The following DCAF4 variants were observed in gnomAD, a reference collection of about 807,000 sequenced individuals.
The protein encoded by DCAF4 is DDB1 and CUL4 associated factor 4.
Under a neutral mutation model 60.9 loss-of-function variants are expected in DCAF4, and 37 were observed. The observed-to-expected ratio is 0.61, with a 90% CI of 0.47 to 0.80. The LOEUF is 0.80. Ranked by LOEUF, DCAF4 falls within the 30% of genes least tolerant of loss-of-function variation. DCAF4 has a pLI of 0.00. For missense variants in DCAF4, 577 were observed against 650.0 expected, an observed-to-expected ratio of 0.89 and a Z score of 1.22; for synonymous variants, 243 against 254.8, an observed-to-expected ratio of 0.95 and a Z score of 0.44.
At chr14:72,953,732 A>AAAAAAAATATATATATATATAT (rs1555527852) in intron 9 of DCAF4, among the ~76,000 whole-genome samples, 1 of 21,766 alleles carries the variant, frequency 4.6e-5, no homozygotes, top group African/African-American at 2.3e-4. Context: ...AAAAAAAAAA[A>AAAAAAAATATATATATATATAT]ATATATATAT....
intron 7 of DCAF4, 130 bp downstream of exon 7, chr14:72,946,157 T>G: frequency 8.2e-7 from 1 of 1,217,118 alleles, no homozygotes. Context: ...AAGACTTGAT[T>G]TTTTACTTGA....
intron 7 of DCAF4, among the ~76,000 whole-genome samples, chr14:72,946,787 G>A (rs965358510): frequency 2.6e-5 from 4 of 152,244 alleles, no homozygotes; most frequent in African/African-American, 9.6e-5. Flanking sequence ...GCTGTGACTT[G>A]CTATTCAGTT....
At chr14:72,941,695 C>T (rs755911081) in intron 4 of DCAF4, 50 bp from the exon 5 acceptor site, 1 of 1,562,864 alleles carries the variant, frequency 6.4e-7, no homozygotes, top group Non-Finnish European at 8.8e-7. Context: ...CCATCATCCC[C>T]TAACAAATAA....
chr14:72,927,157 G>C (rs919860823), intron 1 of DCAF4, among the ~76,000 whole-genome samples: 1 of 152,152 alleles, frequency 6.6e-6, no homozygotes, highest in Admixed American at 6.5e-5. Context: ...CACGCCTCGT[G>C]GGCTCCCCGG....
chr14:72,950,093 T>C (rs925642717), intron 8 of DCAF4, among the ~76,000 whole-genome samples: 1 of 152,198 alleles, frequency 6.6e-6, no homozygotes, highest in African/African-American at 2.4e-5. Flanking sequence ...AGCAGGGCCT[T>C]TCAAGACTGA....
rs374579479 is a variant in DCAF4 at position 72,932,191 on chromosome 14, A to G, written c.-9+5648A>G. Among the ~76,000 whole-genome samples the G allele has an allele frequency of 1.2e-4, 19 of 152,228 alleles. No homozygotes were observed. The East Asian group carries it at 1.5e-3, about 12-fold the overall frequency. The stretch of plus-strand genomic sequence containing the variant: ...TTTGGTAGAGATGAGGTTTCACTCT[A>G]TGTTGGCCAGGCTGGTCTTGAACTC... On this transcript the variant is annotated intron_variant, in intron 1 of 13. Transcript: ENST00000358377.
At chr14:72,945,390 C>T (rs1172823767) in intron 6 of DCAF4, among the ~76,000 whole-genome samples, 1 of 150,490 alleles carries the variant, frequency 6.6e-6, no homozygotes, top group East Asian at 1.9e-4. Context: ...TGAGACCCCA[C>T]CTCTTAAAAA....
At chr14:72,947,504 C>G (rs998176726) in intron 8 of DCAF4, among the ~76,000 whole-genome samples, 1 of 152,200 alleles carries the variant, frequency 6.6e-6, no homozygotes, top group South Asian at 2.1e-4. Flanking sequence ...CAGTCTGACT[C>G]CAAGGCCGGC....
At chr14:72,937,480 G>A (rs973939781) in intron 1 of DCAF4, among the ~76,000 whole-genome samples, 1 of 145,122 alleles carries the variant, frequency 6.9e-6, no homozygotes, top group African/African-American at 2.5e-5. Context: ...TTTACAGTGA[G>A]CACAATCTCA....
downstream of DCAF4, chr14:72,960,634 G>C: frequency 3.8e-6 from 4 of 1,062,156 alleles, no homozygotes; most frequent in Non-Finnish European, 4.6e-6. Flanking sequence ...CTGGATAGTA[G>C]AATGCATCCT....
chr14:72,943,158 T>C (rs772577829), intron 6 of DCAF4, 62 bp downstream of exon 6: 191 of 1,483,276 alleles, frequency 1.3e-4, no homozygotes, highest in Non-Finnish European at 1.7e-4. Context: ...CTTTGTGGCT[T>C]AGCGTTGCCA....
chr14:72,944,133 T>TCTGG (rs1188497275), intron 6 of DCAF4, among the ~76,000 whole-genome samples: 1 of 152,108 alleles, frequency 6.6e-6, no homozygotes, highest in South Asian at 2.1e-4. Context: ...AGGCCACTGT[T>TCTGG]CACAAGCCTG....
At chr14:72,939,437 C>CA (rs1889724147) in intron 2 of DCAF4, among the ~76,000 whole-genome samples, 1 of 152,176 alleles carries the variant, frequency 6.6e-6, no homozygotes. Context: ...ATTCACCTAG[C>CA]CTTGTAACTG....
At chr14:72,926,683 G>A (rs12587742) in intron 1 of DCAF4, 140 bp downstream of exon 1, 28,960 of 152,214 alleles carry the variant, frequency 0.19, 3,483 homozygotes, top group East Asian at 0.39. Context: ...GAGTGAGCAC[G>A]TGGAACGCCG....
chr14:72,960,297 G>C (rs539511115), downstream of DCAF4, among the ~76,000 whole-genome samples: 4 of 152,062 alleles, frequency 2.6e-5, no homozygotes, highest in African/African-American at 7.2e-5. Context: ...TTATAGGCGC[G>C]TGCCACCACG....
chr14:72,947,263 T>G lies in DCAF4; in HGVS notation c.728+72T>G, dbSNP rs1191306768. The G allele has an allele frequency of 3.9e-6, 6 of 1,547,772 alleles. No individual in the cohort carries two copies. The African/African-American group carries it at 8.2e-5, about 21-fold the overall frequency. Reference sequence around the variant, plus strand: ...ACGTTGGACCTGGGTATCTGTGGGCTTCATGACATGGCATCTTAGTGACCA... The same window carrying G: ...ACGTTGGACCTGGGTATCTGTGGGCGTCATGACATGGCATCTTAGTGACCA... On this transcript the variant is annotated intron_variant, in intron 8 of 13. Transcript: ENST00000358377.
At chr14:72,946,836 C>T (rs1267648365) in intron 7 of DCAF4, among the ~76,000 whole-genome samples, 1 of 152,190 alleles carries the variant, frequency 6.6e-6, no homozygotes, top group Admixed American at 6.5e-5. Context: ...TTGAAAATGG[C>T]TTCTGGGTGA....
intron 8 of DCAF4, among the ~76,000 whole-genome samples, chr14:72,951,552 G>A (rs1440150718): frequency 2.0e-5 from 3 of 152,082 alleles, no homozygotes; most frequent in Non-Finnish European, 2.9e-5. Context: ...CAGAGGTTGC[G>A]GTAAGCCGAG....
chr14:72,952,061 G>T (rs773420085), intron 9 of DCAF4, among the ~76,000 whole-genome samples, 184 bp downstream of exon 9: 1 of 152,092 alleles, frequency 6.6e-6, no homozygotes, highest in African/African-American at 2.4e-5. Flanking sequence ...TACCCATCTT[G>T]GGCCATTTCA....
Sources: gnomAD v4.1 joint callset for allele counts (sites outside exome capture counted in the v4.1 genomes callset) on GRCh38, gnomAD v4.1.1 for gene constraint, MANE v1.5 for transcripts, NCBI Gene and HGNC (gene_info 2026-07-23, HGNC 2026-07-21) for gene names.